The following COLGALT1 variants were observed in gnomAD, a reference collection of about 807,000 sequenced individuals.
COLGALT1 encodes the protein collagen beta(1-O)galactosyltransferase 1.
Under a neutral mutation model 60.8 loss-of-function variants are expected in COLGALT1, and 43 were observed. The observed-to-expected ratio is 0.71, with a 90% CI of 0.55 to 0.91. The LOEUF is 0.91. Among genes scored for constraint, COLGALT1 ranks in the 40% least tolerant of loss-of-function variants. COLGALT1 has a pLI of 0.00. For missense variants in COLGALT1, 845 were observed against 880.0 expected (o/e 0.96, Z 0.50); for synonymous variants, 369 against 374.2 (o/e 0.99, Z 0.16).
rs1243857109 is a variant in COLGALT1 at position 17,580,723 on chromosome 19, G to C, written c.1419G>C (p.Gln473His). Residue 473 changes from glutamine (Q) to histidine (H), a missense_variant, in exon 11 of 12, where the codon CAG (glutamine) becomes CAC (histidine). Physicochemically the swap from Gln to His is conservative, Grantham distance 24 (BLOSUM62 0). Transcript: ENST00000252599. Reference protein sequence around the residue: ...DLIYVGRKRMQVEHPEKAVPR... With the variant: ...DLIYVGRKRMHVEHPEKAVPR... ...GCTATGTGGGCCGGAAGCGGATGCAGGTGGAGCACCCCGAGAAGGCTGTGC... is the reference window on the plus strand; with the variant it reads ...GCTATGTGGGCCGGAAGCGGATGCACGTGGAGCACCCCGAGAAGGCTGTGC... The C allele has an allele frequency of 6.2e-7, 1 of 1,614,086 alleles. No homozygotes were observed. The highest frequency in any genetic ancestry group is 8.5e-7 in the Non-Finnish European group (1 of 1,180,026).
rs147181442 is a variant in COLGALT1 at position 17,581,289 on chromosome 19, G to A, written c.1714G>A (p.Glu572Lys). 2.1e-5 allele frequency: 34 copies of A among 1,612,752 alleles called. No individual in the cohort carries two copies. Among genetic ancestry groups the A allele is most frequent in the East Asian group, 2.0e-4 (9 of 44,872 alleles). ...AGACGATGGCTATGTGAGTGACACCGAGACCTCAGTCGTATGGAACAATGA... is the reference window on the plus strand; with the variant it reads ...AGACGATGGCTATGTGAGTGACACCAAGACCTCAGTCGTATGGAACAATGA... ...TGDDGYVSDT[E>K]TSVVWNNEHV... The change falls in exon 12 of 12, where the codon GAG (glutamate) becomes AAG (lysine). Residue 572 changes from glutamate to lysine, a missense_variant. By Grantham distance (56) the Glu-to-Lys change is moderately conservative. Transcript: ENST00000252599.
chr19:17,560,139 C>T (rs1379453033), intron 2 of COLGALT1, among the ~76,000 whole-genome samples: 1 of 152,094 alleles, frequency 6.6e-6, no homozygotes, highest in African/African-American at 2.4e-5. Flanking sequence ...GGGCTTTCTT[C>T]CCTCCAGGCC....
chr19:17,580,767 T>C lies in COLGALT1; in HGVS notation c.1463T>C (p.Val488Ala). 1 of 1,613,940 alleles carries C rather than the reference T, an allele frequency of 6.2e-7. No homozygotes were observed. Among genetic ancestry groups the C allele is most frequent in the Non-Finnish European group, 8.5e-7 (1 of 1,179,990 alleles). ...EKAVPRVRNLVEADYSYWTLA... is the reference protein window; with the variant it reads ...EKAVPRVRNLAEADYSYWTLA... ...GCTGTGCCTCGCGTGAGGAACCTGGTGGAGGCCGACTATTCCTACTGGACC... is the reference window on the plus strand; with the variant it reads ...GCTGTGCCTCGCGTGAGGAACCTGGCGGAGGCCGACTATTCCTACTGGACC... The change falls in exon 11 of 12, where the codon GTG becomes GCG. Residue 488 changes from valine (V) to alanine (A), a missense_variant. Physicochemically the swap from Val to Ala is moderately conservative, Grantham distance 64. Coordinates refer to ENST00000252599, the MANE Select transcript of COLGALT1 (RefSeq NM_024656.4).
At chr19:17,558,601 C>T (rs1034901671) in intron 1 of COLGALT1, among the ~76,000 whole-genome samples, 4 of 151,708 alleles carry the variant, frequency 2.6e-5, no homozygotes, top group Admixed American at 2.6e-4. Context: ...TTGCTTGGAC[C>T]TGGTAGGCGG....
chr19:17,580,955 C>T (rs2076377523), intron 11 of COLGALT1, 50 bp downstream of exon 11: 1 of 1,597,348 alleles, frequency 6.3e-7, no homozygotes, highest in Non-Finnish European at 8.5e-7. Context: ...TGGGTCTGTC[C>T]TGGGAGAATG....
intron 9 of COLGALT1, 91 bp from the exon 10 acceptor site, chr19:17,579,391 G>A: frequency 6.4e-7 from 1 of 1,566,150 alleles, no homozygotes; most frequent in Non-Finnish European, 8.7e-7. Flanking sequence ...TTCTCTACGG[G>A]TCTTTCAAAC....
chr19:17,557,897 C>T (rs1384370049), intron 1 of COLGALT1, among the ~76,000 whole-genome samples: 4 of 151,928 alleles, frequency 2.6e-5, no homozygotes, highest in African/African-American at 9.7e-5. Flanking sequence ...CCATTGCACC[C>T]AGCTGGTTTC....
rs35866946 is a variant in COLGALT1 at position 17,564,066 on chromosome 19, C to CA, written c.490-3340_490-3339insA. Reference sequence around the variant, plus strand: ...GCCTGGGCAACATAGTGAGACCCCCCCCATCTCTACAAAAACTAACAAAAA... The same window carrying CA: ...GCCTGGGCAACATAGTGAGACCCCCCACCATCTCTACAAAAACTAACAAAAA... On this transcript the variant is annotated intron_variant, in intron 3 of 11. Transcript: ENST00000252599. Among the ~76,000 whole-genome samples, 265 of 119,108 alleles carry CA rather than the reference C, an allele frequency of 2.2e-3. 1 individual carries two copies. Among genetic ancestry groups the CA allele is most frequent in the South Asian group, 0.013 (56 of 4,440 alleles). 78.1% of individuals were successfully genotyped at this position (119,108 alleles called of 152,430 possible).
At chr19:17,560,310 T>C (rs201143925) in intron 2 of COLGALT1, 38 bp from the exon 3 acceptor site, 2 of 1,562,334 alleles carry the variant, frequency 1.3e-6, no homozygotes, top group Admixed American at 1.7e-5. Context: ...GCTTTGATAG[T>C]GCCTTGTGAT....
chr19:17,574,404 A>G (rs984180289), intron 6 of COLGALT1, among the ~76,000 whole-genome samples: 1 of 150,418 alleles, frequency 6.6e-6, no homozygotes, highest in Admixed American at 6.7e-5. Context: ...TTCTGGGCTC[A>G]CTTGAAACCT....
At position 17,579,565 on chromosome 19, in the gene COLGALT1, C is replaced by T. The variant is rs139965300; in HGVS notation, c.1350C>T (p.Asn450=). The change falls in exon 10 of 12, where the codon AAC becomes AAT. Residue 450 remains asparagine, a synonymous_variant. Coordinates refer to ENST00000252599, the MANE Select transcript of COLGALT1 (RefSeq NM_024656.4). ...FEIFFKRRLM[N]LMRDVEREGL... is the part of the protein sequence containing the mutation. ...TCTTCTTCAAGAGACGTCTGATGAA[C>T]CTCATGCGGGATGTGGAGCGGGAGG... 3.7e-5 allele frequency: 59 copies of T among 1,613,740 alleles called. No individual in the cohort carries two copies. Among genetic ancestry groups the T allele is most frequent in the Non-Finnish European group, 5.0e-5 (59 of 1,179,956 alleles).
intron 3 of COLGALT1, chr19:17,566,034 G>A (rs1249960153): frequency 1.3e-5 from 2 of 151,954 alleles, no homozygotes; most frequent in South Asian, 2.1e-4. Flanking sequence ...ATACTGCCTG[G>A]GTAACAGAAA....
chr19:17,572,328 G>GAT (rs1440603115), intron 5 of COLGALT1, among the ~76,000 whole-genome samples, 155 bp from the exon 6 acceptor site: 1 of 151,490 alleles, frequency 6.6e-6, no homozygotes, highest in African/African-American at 2.4e-5. Context: ...GTTGTTTGTA[G>GAT]ATATAAGGTC....
Position 17,577,179 on chromosome 19 carries a change from CG to C in COLGALT1, c.950-15del. 1 of 1,612,620 alleles carries C rather than the reference CG, an allele frequency of 6.2e-7. No homozygotes were observed. The highest frequency in any genetic ancestry group is 1.3e-5 in the African/African-American group (1 of 74,836). Reference sequence around the variant, plus strand: ...GCTCCTTACCCCAGCGACTCCTCAACGTCTGTGCCCCACAGTGAAGCACCCG... The same window carrying C: ...GCTCCTTACCCCAGCGACTCCTCAACTCTGTGCCCCACAGTGAAGCACCCG... On this transcript the variant is annotated splice_polypyrimidine_tract_variant and intron_variant, in intron 6 of 11. Transcript: ENST00000252599.
rs1205015989 is a variant in COLGALT1 at position 17,578,063 on chromosome 19, C to G, written c.1240C>G (p.Leu414Val). The stretch of plus-strand genomic sequence containing the variant: ...CACCAAGGGTGAGCTGGGCTGCTTC[C>G]TGAGCCACTACAACATCTGGAAGGA... ...PLTKGELGCF[L>V]SHYNIWKEVV... Residue 414 changes from leucine to valine, a missense_variant, in exon 9 of 12, where the codon CTG becomes GTG. Transcript: ENST00000252599. 24 of 1,610,690 alleles carry G rather than the reference C, an allele frequency of 1.5e-5. No individual in the cohort carries two copies. Among genetic ancestry groups the G allele is most frequent in the Non-Finnish European group, 1.8e-5 (21 of 1,178,592 alleles).
At chr19:17,557,421 C>T (rs866506040) in intron 1 of COLGALT1, among the ~76,000 whole-genome samples, 12 of 151,866 alleles carry the variant, frequency 7.9e-5, no homozygotes, top group Middle Eastern at 6.9e-3. Flanking sequence ...CTGCCTCAGC[C>T]TCCCGAGTAG....
At position 17,559,392 on chromosome 19, in the gene COLGALT1, C is replaced by T. The variant is rs62119894; in HGVS notation, c.342C>T (p.Ser114=). 0.072 allele frequency: 111,105 copies of T among 1,551,802 alleles called. 5,752 individuals carry two copies. The highest frequency in any genetic ancestry group is 0.25 in the Admixed American group (12,955 of 50,978). Residue 114 remains serine, a synonymous_variant, in exon 2 of 12, where the codon TCC becomes TCT. Coordinates refer to ENST00000252599, the MANE Select transcript of COLGALT1 (RefSeq NM_024656.4). ...TGGCCGTGAAGAGTTTGTACCATTC[C>T]GTGGAGTGGCGGCCAGCAGAGGAGC... ...WLVAVKSLYH[S]VEWRPAEEPR...
chr19:17,580,906 G>T lies in COLGALT1; in HGVS notation c.1601+1G>T, dbSNP rs1366962802. 1 of 1,613,536 alleles carries T rather than the reference G, an allele frequency of 6.2e-7. No homozygotes were observed. Among genetic ancestry groups the T allele is most frequent in the South Asian group, 1.1e-5 (1 of 91,050 alleles). Reference sequence around the variant, plus strand: ...CCGTCATGTTCGACAAACACCCAGTGTGAGAGGGGCAGGCGGCTGCTGGGC... The same window carrying T: ...CCGTCATGTTCGACAAACACCCAGTTTGAGAGGGGCAGGCGGCTGCTGGGC... On this transcript the variant is annotated splice_donor_variant, in intron 11 of 11. Coordinates refer to ENST00000252599, the MANE Select transcript of COLGALT1 (RefSeq NM_024656.4). LOFTEE classifies it high-confidence loss of function.
chr19:17,560,602 A>G, intron 3 of COLGALT1, 137 bp downstream of exon 3: 1 of 698,944 alleles, frequency 1.4e-6, no homozygotes, highest in Non-Finnish European at 2.5e-6. Flanking sequence ...AGGGGAGATG[A>G]GTTGCTTGAG....
Sources: gnomAD v4.1 joint callset for allele counts (sites outside exome capture counted in the v4.1 genomes callset) on GRCh38, gnomAD v4.1.1 for gene constraint, MANE v1.5 for transcripts, NCBI Gene and HGNC (gene_info 2026-07-23, HGNC 2026-07-21) for gene names.